Variants in MED13L observed in about 807,000 individuals in gnomAD.
The protein encoded by MED13L is mediator complex subunit 13L.
A neutral mutation model predicts 220.9 loss-of-function variants in MED13L; 7 were observed. The ratio of observed to expected loss-of-function variants is 0.03; its 90% CI spans 0.02 to 0.06. The LOEUF (loss-of-function observed/expected upper bound fraction) is 0.06. MED13L is among the 10% of genes least tolerant of loss of function. The probability of loss-of-function intolerance (pLI) is 1.00; values close to 1 mark genes in which losing one functional copy is unlikely to be tolerated. For synonymous variants in MED13L, 1,011 were observed against 1,015.2 expected, an observed-to-expected ratio of 1.00 and a Z score of 0.08; for missense variants, 1,965 against 2,760.5, an observed-to-expected ratio of 0.71 and a Z score of 6.46.
chr12:116,022,465 G>A lies in MED13L; in HGVS notation c.616C>T (p.Pro206Ser). 1 of 1,613,688 alleles carries A rather than the reference G, an allele frequency of 6.2e-7. No individual in the cohort carries two copies. Among genetic ancestry groups the A allele is most frequent in the Non-Finnish European group, 8.5e-7 (1 of 1,179,808 alleles). Reference protein sequence around the residue: ...HIHMAQSSPAPFQVLVSPYGL... With the variant: ...HIHMAQSSPASFQVLVSPYGL... Reference sequence around the variant, plus strand: ...GAACACCCATACTTACCTTGAAATGGTGCAGGTGAAGACTGAGCCATGTGT... The same window carrying A: ...GAACACCCATACTTACCTTGAAATGATGCAGGTGAAGACTGAGCCATGTGT... Residue 206 changes from proline (P) to serine (S), a missense_variant, in exon 5 of 31, where the codon CCA (proline) becomes TCA (serine). Pro to Ser is a moderately conservative substitution (Grantham distance 74, BLOSUM62 -1). This residue lies in a region of MED13L where 818 missense variants were observed against 1,041.2 expected (regional missense o/e 0.79). Coordinates refer to ENST00000281928, the MANE Select transcript of MED13L (RefSeq NM_015335.5).
intron 4 of MED13L, among the ~76,000 whole-genome samples, chr12:116,047,120 C>T (rs908517683): frequency 8.5e-5 from 13 of 152,152 alleles, no homozygotes; most frequent in Admixed American, 2.0e-4. Context: ...GACACCAAAG[C>T]GGGGAGATTG....
chr12:116,186,085 A>G (rs1880882796), intron 2 of MED13L, among the ~76,000 whole-genome samples: 1 of 152,166 alleles, frequency 6.6e-6, no homozygotes, highest in Non-Finnish European at 1.5e-5. Context: ...ATTTCATCAT[A>G]TACTTCTTTC....
At chr12:116,015,383 T>C in intron 7 of MED13L, 109 bp from the exon 8 acceptor site, 3 of 1,191,972 alleles carry the variant, frequency 2.5e-6, no homozygotes, top group East Asian at 2.4e-5. Context: ...GAAAGTCATA[T>C]ACATAGCTTT....
chr12:116,203,182 A>G (rs564325978), intron 2 of MED13L, among the ~76,000 whole-genome samples: 1 of 152,308 alleles, frequency 6.6e-6, no homozygotes, highest in East Asian at 1.9e-4. Context: ...TCTCCACACC[A>G]TCTTCAGGCA....
At chr12:116,071,758 G>A (rs61939686) in intron 4 of MED13L, among the ~76,000 whole-genome samples, 9,844 of 152,162 alleles carry the variant, frequency 0.065, 410 homozygotes, top group Middle Eastern at 0.11. Context: ...TATATGCACC[G>A]TAACTGATTA....
chr12:116,150,536 CT>C (rs1299236369), intron 2 of MED13L, among the ~76,000 whole-genome samples: 8 of 152,154 alleles, frequency 5.3e-5, no homozygotes, highest in Admixed American at 4.6e-4. Context: ...CCATTCTGCT[CT>C]CGTGTTCCAC....
chr12:116,077,695 C>T (rs982305193), intron 4 of MED13L, among the ~76,000 whole-genome samples: 1 of 152,052 alleles, frequency 6.6e-6, no homozygotes, highest in Non-Finnish European at 1.5e-5. Context: ...AACTGGGTGG[C>T]CAGGCAGTGG....
chr12:116,219,978 G>A (rs1271904990), intron 2 of MED13L, among the ~76,000 whole-genome samples: 2 of 151,966 alleles, frequency 1.3e-5, no homozygotes, highest in Admixed American at 6.6e-5. Flanking sequence ...TGTATTTTTG[G>A]TAGAGACAGG....
chr12:116,217,595 T>C (rs1170184793), intron 2 of MED13L, among the ~76,000 whole-genome samples: 1 of 152,168 alleles, frequency 6.6e-6, no homozygotes, highest in Non-Finnish European at 1.5e-5. Context: ...AACAAGAACT[T>C]TGAAGAGGCA....
chr12:116,021,579 C>A (rs1012815385), intron 5 of MED13L, among the ~76,000 whole-genome samples: 1 of 152,128 alleles, frequency 6.6e-6, no homozygotes, highest in African/African-American at 2.4e-5. Flanking sequence ...AAAATAAATA[C>A]AATGGAGGCT....
intron 2 of MED13L, among the ~76,000 whole-genome samples, chr12:116,128,340 C>T (rs1188745337): frequency 6.6e-6 from 1 of 151,862 alleles, no homozygotes; most frequent in African/African-American, 2.4e-5. Context: ...CAAACAGACA[C>T]GTTTATAAAA....
At chr12:115,990,702 G>A (rs901591147) in intron 17 of MED13L, among the ~76,000 whole-genome samples, 2 of 152,206 alleles carry the variant, frequency 1.3e-5, no homozygotes, top group African/African-American at 4.8e-5. Context: ...ATGCAAGAGT[G>A]TGCAAATTAT....
At chr12:115,976,183 CAT>C (rs989774579) in intron 23 of MED13L, among the ~76,000 whole-genome samples, 16 of 152,234 alleles carry the variant, frequency 1.1e-4, no homozygotes, top group South Asian at 6.2e-4. Flanking sequence ...ACAAAATGCA[CAT>C]ATATGTTTAC....
At chr12:116,041,223 T>C (rs1881505943) in intron 4 of MED13L, among the ~76,000 whole-genome samples, 1 of 152,080 alleles carries the variant, frequency 6.6e-6, no homozygotes. Context: ...CATGACAGAG[T>C]TACTTCTCAG....
Position 116,018,603 on chromosome 12 carries a change from A to G in MED13L, c.1009+621T>C, listed in dbSNP as rs568024164. Among the ~76,000 whole-genome samples, 6 of 152,306 alleles carry G rather than the reference A, an allele frequency of 3.9e-5. No homozygotes were observed. In the East Asian group the frequency reaches 1.2e-3, roughly 29 times the overall value. ...ACAACAATAACAAAGTTAATATAGG[A>G]ACTATACTACTCAATAAAGAAGGCA... On this transcript the variant is annotated intron_variant, in intron 7 of 30. Coordinates refer to ENST00000281928, the MANE Select transcript of MED13L (RefSeq NM_015335.5).
At chr12:116,100,598 C>CAAA (rs760855189) in intron 3 of MED13L, among the ~76,000 whole-genome samples, 10 of 67,996 alleles carry the variant, frequency 1.5e-4, no homozygotes, top group Admixed American at 3.2e-4. Flanking sequence ...GACTCCGTCT[C>CAAA]AAAAAAAAAA....
At chr12:116,126,855 A>T (rs1416340849) in intron 2 of MED13L, among the ~76,000 whole-genome samples, 1 of 152,188 alleles carries the variant, frequency 6.6e-6, no homozygotes, top group Non-Finnish European at 1.5e-5. Context: ...TATAAAGTGA[A>T]GTCCTAACCA....
At chr12:116,204,628 T>A (rs1388157976) in intron 2 of MED13L, among the ~76,000 whole-genome samples, 1 of 152,210 alleles carries the variant, frequency 6.6e-6, no homozygotes, top group East Asian at 1.9e-4. Flanking sequence ...GTTCCTCTAG[T>A]TGCTATCTGG....
At chr12:115,998,889 T>TA (rs909974283) in intron 14 of MED13L, among the ~76,000 whole-genome samples, 36 of 151,788 alleles carry the variant, frequency 2.4e-4, no homozygotes, top group African/African-American at 8.5e-4. Context: ...CTGCTGCTTC[T>TA]AAAAAAAAGA....
Sources: gnomAD v4.1 joint callset for allele counts (sites outside exome capture counted in the v4.1 genomes callset) on GRCh38, gnomAD v4.1.1 for gene constraint, gnomAD v4.1.1 regional missense constraint, MANE v1.5 for transcripts, NCBI Gene and HGNC (gene_info 2026-07-23, HGNC 2026-07-21) for gene names.